The following KPNA5 variants were observed in gnomAD, a reference collection of about 807,000 sequenced individuals.
KPNA5 encodes importin subunit alpha-6.
Under a neutral mutation model 71.3 loss-of-function variants are expected in KPNA5, and 46 were observed. The ratio of observed to expected loss-of-function variants is 0.65; its 90% CI spans 0.51 to 0.83. The LOEUF (loss-of-function observed/expected upper bound fraction) is 0.83, where lower values mean the gene tolerates loss of function less well. Among genes scored for constraint, KPNA5 ranks in the 40% least tolerant of loss-of-function variants. KPNA5 has a pLI of 0.00. For synonymous variants in KPNA5, 207 were observed against 201.4 expected, an observed-to-expected ratio of 1.03 and a Z score of -0.24; for missense variants, 547 against 628.3, an observed-to-expected ratio of 0.87 and a Z score of 1.38.
In KPNA5 at chr6:116,736,700, G is replaced by A. The variant is rs903474933; in HGVS notation, c.*4377G>A. 9.2e-5 allele frequency: 14 copies of A among 151,774 alleles called. No homozygotes were observed. The highest frequency in any genetic ancestry group is 2.2e-4 in the African/African-American group (9 of 41,370). The allele number at this position is 151,774 out of a possible 1,614,324, so 9.4% of individuals were successfully genotyped here. A position where few individuals can be genotyped will look rare whatever the true frequency, so the allele number is the denominator to read the frequency against. ...TAAACATTTTTTCATTTCCAATTCC[G>A]CTTATATTAGTCTGCCTGAAATACT... On this transcript the variant is annotated 3_prime_UTR_variant, in exon 14 of 14. Coordinates refer to ENST00000368564, the MANE Select transcript of KPNA5 (RefSeq NM_001366306.2).
chr6:116,729,189 G>GTGTGTGTC (rs1241214945), intron 12 of KPNA5, among the ~76,000 whole-genome samples: 2 of 145,768 alleles, frequency 1.4e-5, no homozygotes, highest in Non-Finnish European at 3.0e-5. Context: ...GTGTGTGTGT[G>GTGTGTGTC]TGTGTGTGTG....
intron 8 of KPNA5, 23 bp downstream of exon 8, chr6:116,716,341 A>T: frequency 6.8e-7 from 1 of 1,466,824 alleles, no homozygotes; most frequent in Non-Finnish European, 9.5e-7. Context: ...TACACAAATT[A>T]AAATATTTGT....
intron 1 of KPNA5, 56 bp from the exon 2 acceptor site, chr6:116,689,264 T>C (rs1777700914): frequency 1.3e-6 from 2 of 1,554,572 alleles, no homozygotes; most frequent in East Asian, 4.7e-5. Flanking sequence ...AAGTGTCTCA[T>C]GTTGTTTTGA....
At chr6:116,700,075 G>C (rs747127437) in intron 5 of KPNA5, among the ~76,000 whole-genome samples, 2 of 152,166 alleles carry the variant, frequency 1.3e-5, no homozygotes, top group African/African-American at 2.4e-5. Flanking sequence ...ACTTCACAAA[G>C]GTAGTGTTGC....
intron 5 of KPNA5, among the ~76,000 whole-genome samples, chr6:116,700,924 G>A (rs1389902301): frequency 6.6e-6 from 1 of 151,978 alleles, no homozygotes; most frequent in Non-Finnish European, 1.5e-5. Flanking sequence ...CTTATCACTC[G>A]TTTTATGTTT....
At chr6:116,727,708 A>C (rs1415991847) in intron 12 of KPNA5, among the ~76,000 whole-genome samples, 2 of 152,114 alleles carry the variant, frequency 1.3e-5, no homozygotes, top group East Asian at 1.9e-4. Context: ...ATTAATAACT[A>C]ATAGATAATT....
chr6:116,690,919 T>C (rs1777775533), intron 2 of KPNA5, among the ~76,000 whole-genome samples: 1 of 152,168 alleles, frequency 6.6e-6, no homozygotes. Flanking sequence ...TGAGTTGTTA[T>C]ACTGTGTTGT....
chr6:116,717,287 A>G (rs972499287), intron 8 of KPNA5, among the ~76,000 whole-genome samples: 2 of 152,216 alleles, frequency 1.3e-5, no homozygotes, highest in African/African-American at 2.4e-5. Context: ...GACATCACAT[A>G]TACCCCCAAA....
intron 12 of KPNA5, among the ~76,000 whole-genome samples, chr6:116,727,503 A>G (rs1403806542): frequency 6.6e-6 from 1 of 152,068 alleles, no homozygotes; most frequent in Non-Finnish European, 1.5e-5. Context: ...AGATAATTTC[A>G]AATACTTGGA....
chr6:116,701,733 A>G (rs1778237934), intron 5 of KPNA5, among the ~76,000 whole-genome samples: 1 of 152,190 alleles, frequency 6.6e-6, no homozygotes, highest in Non-Finnish European at 1.5e-5. Context: ...TATGCATTAT[A>G]AATTCAAAGG....
chr6:116,722,560 A>G (rs980015216), intron 9 of KPNA5, among the ~76,000 whole-genome samples: 19 of 152,220 alleles, frequency 1.2e-4, no homozygotes, highest in Admixed American at 1.2e-3. Flanking sequence ...ATAAGTATTT[A>G]TGGAATGCCT....
intron 8 of KPNA5, among the ~76,000 whole-genome samples, chr6:116,717,582 G>C (rs963994190): frequency 2.0e-5 from 3 of 152,156 alleles, no homozygotes; most frequent in African/African-American, 7.2e-5. Flanking sequence ...GCATTAGGTA[G>C]AAAAAGAGAC....
intron 7 of KPNA5, among the ~76,000 whole-genome samples, chr6:116,713,821 C>T (rs1778791339): frequency 6.6e-6 from 1 of 152,122 alleles, no homozygotes; most frequent in Non-Finnish European, 1.5e-5. Context: ...TGTCAAACCC[C>T]TATAGTGAAA....
In KPNA5 at chr6:116,735,563, A is replaced by G. The variant is rs991969982; in HGVS notation, c.*3240A>G. ...AAGATATTCTTACCCTACTAAATAA[A>G]CCAACTTTTGAGTAGTATGCAATAT... is the stretch of plus-strand genomic sequence containing the variant. On this transcript the variant is annotated 3_prime_UTR_variant, in exon 14 of 14. Transcript: ENST00000368564. 3.3e-5 allele frequency: 5 copies of G among 151,696 alleles called. No homozygotes were observed. Among genetic ancestry groups the G allele is most frequent in the Admixed American group, 2.6e-4 (4 of 15,170 alleles). The allele number at this position is 151,696 out of a possible 1,614,324, so 9.4% of individuals were successfully genotyped here. A position where few individuals can be genotyped will look rare whatever the true frequency, so the allele number is the denominator to read the frequency against.
intron 7 of KPNA5, among the ~76,000 whole-genome samples, chr6:116,707,276 TTTTAA>T (rs1355255181): frequency 6.6e-5 from 10 of 152,334 alleles, no homozygotes; most frequent in South Asian, 6.2e-4. Flanking sequence ...TTGAGTGATA[TTTTAA>T]TTTATTTTAT....
rs911784705 is a variant in KPNA5, at chr6:116,740,066, C to G, written c.*7743C>G. 6.6e-6 allele frequency: 1 copy of G among 151,876 alleles called. No homozygotes were observed. Among genetic ancestry groups the G allele is most frequent in the South Asian group, 2.1e-4 (1 of 4,812 alleles). The allele number at this position is 151,876 out of a possible 1,614,324, so 9.4% of individuals were successfully genotyped here. On this transcript the variant is annotated 3_prime_UTR_variant, in exon 14 of 14. Transcript: ENST00000368564. ...ACCATCAGAGTGAACAGGCAACCTA[C>G]AAAATGGGAGAAAATTTTCACAACC...
intron 13 of KPNA5, 73 bp from the exon 14 acceptor site, chr6:116,732,063 T>C (rs1779502136): frequency 4.1e-6 from 1 of 241,502 alleles, no homozygotes. Context: ...GAAATTGTAG[T>C]AACAGTTTGT....
rs929221628 is a variant in KPNA5 at position 116,739,833 on chromosome 6, T to G, written c.*7510T>G. ...AACTGTATCCCTTCCTTACACCTTATACAAAAATTAATTCAAGATGGATTA... is the reference window on the plus strand; with the variant it reads ...AACTGTATCCCTTCCTTACACCTTAGACAAAAATTAATTCAAGATGGATTA... On this transcript the variant is annotated 3_prime_UTR_variant, in exon 14 of 14. Coordinates refer to ENST00000368564, the MANE Select transcript of KPNA5 (RefSeq NM_001366306.2). 5.3e-5 allele frequency: 8 copies of G among 151,630 alleles called. No individual in the cohort carries two copies. The highest frequency in any genetic ancestry group is 7.3e-5 in the African/African-American group (3 of 41,196). 9.4% of individuals were successfully genotyped at this position (151,630 alleles called of 1,614,324 possible). A position where few individuals can be genotyped will look rare whatever the true frequency, so the allele number is the denominator to read the frequency against.
At chr6:116,724,269 T>A in intron 9 of KPNA5, 28 bp from the exon 10 acceptor site, 3 of 1,479,714 alleles carry the variant, frequency 2.0e-6, no homozygotes, top group Non-Finnish European at 1.9e-6. Context: ...CTTACTAGTA[T>A]TTAGGTTCAT....
Sources: gnomAD v4.1 joint callset for allele counts (sites outside exome capture counted in the v4.1 genomes callset) on GRCh38, gnomAD v4.1.1 for gene constraint, MANE v1.5 for transcripts, NCBI Gene and HGNC (gene_info 2026-07-23, HGNC 2026-07-21) for gene names.